Variants in GABBR2 observed in about 807,000 individuals in gnomAD.
GABBR2 encodes gamma-aminobutyric acid type B receptor subunit 2.
GABBR2 carries 23 observed loss-of-function variants against 105.6 expected under a neutral mutation model. The observed-to-expected ratio is 0.22, with a 90% confidence interval of 0.16 to 0.31. The LOEUF is 0.31. Among genes scored for constraint, GABBR2 ranks in the 10% least tolerant of loss-of-function variants. The pLI, the probability that GABBR2 is intolerant of heterozygous loss-of-function variation, is 1.00. For missense variants in GABBR2, 734 were observed against 1,245.5 expected (o/e 0.59, Z 6.18); for synonymous variants, 478 against 499.7 (o/e 0.96, Z 0.58).
At chr9:98,551,727 G>C (rs1309498963) in intron 2 of GABBR2, among the ~76,000 whole-genome samples, 1 of 152,200 alleles carries the variant, frequency 6.6e-6, no homozygotes, top group Non-Finnish European at 1.5e-5. Flanking sequence ...AGCAGCACCT[G>C]AATGCAGAGA....
intron 3 of GABBR2, among the ~76,000 whole-genome samples, chr9:98,512,360 C>T (rs1827663413): frequency 6.6e-6 from 1 of 151,068 alleles, no homozygotes; most frequent in Admixed American, 6.6e-5. Flanking sequence ...GACAGGGATG[C>T]CCTCTCTCAC....
intron 7 of GABBR2, among the ~76,000 whole-genome samples, chr9:98,426,123 G>C (rs1388636086): frequency 6.6e-6 from 1 of 152,228 alleles, no homozygotes; most frequent in East Asian, 1.9e-4. Context: ...CCCAGGCTAA[G>C]AAGTGTAGAC....
At chr9:98,564,157 C>T (rs1490362454) in intron 2 of GABBR2, among the ~76,000 whole-genome samples, 1 of 152,108 alleles carries the variant, frequency 6.6e-6, no homozygotes, top group Non-Finnish European at 1.5e-5. Flanking sequence ...TCAGGGGACA[C>T]GTACTGCCTG....
At chr9:98,333,419 C>T (rs1219685091) in intron 13 of GABBR2, among the ~76,000 whole-genome samples, 4 of 152,096 alleles carry the variant, frequency 2.6e-5, no homozygotes, top group South Asian at 2.1e-4. Context: ...TCAAGATGTC[C>T]GTTGGGCTGT....
chr9:98,360,600 A>G (rs1831565612), intron 13 of GABBR2, among the ~76,000 whole-genome samples: 1 of 152,176 alleles, frequency 6.6e-6, no homozygotes, highest in South Asian at 2.1e-4. Context: ...CAGTTTGAGA[A>G]CCATAGCCTT....
intron 1 of GABBR2, among the ~76,000 whole-genome samples, chr9:98,685,408 G>C (rs1830607894): frequency 6.6e-6 from 1 of 152,192 alleles, no homozygotes; most frequent in African/African-American, 2.4e-5. Flanking sequence ...TGAGTCAATA[G>C]TCCTTAATAA....
intron 7 of GABBR2, among the ~76,000 whole-genome samples, chr9:98,443,418 A>G (rs1826067416): frequency 6.6e-6 from 1 of 152,202 alleles, no homozygotes; most frequent in Non-Finnish European, 1.5e-5. Context: ...TGATCTTTCA[A>G]ATTTATCTGA....
chr9:98,619,855 G>C (rs1829643456), intron 1 of GABBR2, among the ~76,000 whole-genome samples: 1 of 152,142 alleles, frequency 6.6e-6, no homozygotes, highest in Non-Finnish European at 1.5e-5. Context: ...TCGCAGTGTG[G>C]GGGAGAAAGG....
intron 1 of GABBR2, among the ~76,000 whole-genome samples, chr9:98,582,809 A>G (rs184155828): frequency 1.2e-3 from 189 of 152,180 alleles, no homozygotes; most frequent in African/African-American, 4.3e-3. Flanking sequence ...ACACTATGTA[A>G]GTTTCTGTTC....
At chr9:98,340,432 C>CT (rs201062238) in intron 13 of GABBR2, among the ~76,000 whole-genome samples, 17,161 of 147,438 alleles carry the variant, frequency 0.12, 1,798 homozygotes, top group African/African-American at 0.28. Context: ...CTCTCTCTCT[C>CT]TTTTTTTTTT....
intron 6 of GABBR2, among the ~76,000 whole-genome samples, chr9:98,465,945 A>G (rs1315626243): frequency 6.6e-6 from 1 of 152,202 alleles, no homozygotes; most frequent in African/African-American, 2.4e-5. Flanking sequence ...TGACTGGATC[A>G]TGGGGCAGGT....
intron 13 of GABBR2, among the ~76,000 whole-genome samples, chr9:98,335,900 C>A (rs796786012): frequency 2.0e-4 from 30 of 152,320 alleles, no homozygotes; most frequent in African/African-American, 6.7e-4. Flanking sequence ...ATTCAACCAA[C>A]ATATATTGAG....
chr9:98,361,644 T>C (rs926619501), intron 13 of GABBR2, among the ~76,000 whole-genome samples: 1 of 152,192 alleles, frequency 6.6e-6, no homozygotes, highest in Non-Finnish European at 1.5e-5. Context: ...GTGGACTCAG[T>C]TCCTGCCCCC....
intron 2 of GABBR2, among the ~76,000 whole-genome samples, chr9:98,545,581 T>C (rs1184142216): frequency 6.6e-6 from 1 of 152,228 alleles, no homozygotes; most frequent in South Asian, 2.1e-4. Context: ...TCAGAATCTC[T>C]GGGCATCTAG....
intron 6 of GABBR2, 52 bp downstream of exon 6, chr9:98,473,094 G>A: frequency 2.2e-6 from 3 of 1,349,636 alleles, no homozygotes; most frequent in Non-Finnish European, 3.2e-6. Context: ...CATCAGACAA[G>A]ATGATCAAAG....
chr9:98,577,230 C>CGAATGG (rs1554718819), intron 2 of GABBR2, among the ~76,000 whole-genome samples: 14 of 2,110 alleles, frequency 6.6e-3, no homozygotes, highest in East Asian at 0.019. Flanking sequence ...ATGGATGGAG[C>CGAATGG]AAAAAAGTAA....
intron 13 of GABBR2, among the ~76,000 whole-genome samples, chr9:98,328,416 T>C (rs943311750): frequency 6.6e-6 from 1 of 152,188 alleles, no homozygotes; most frequent in Non-Finnish European, 1.5e-5. Flanking sequence ...TTGAAAGCCA[T>C]GTGTTTACCG....
chr9:98,439,253 A>G (rs1825988506), intron 7 of GABBR2, among the ~76,000 whole-genome samples: 1 of 152,204 alleles, frequency 6.6e-6, no homozygotes, highest in Non-Finnish European at 1.5e-5. Flanking sequence ...CTGTTGCTCT[A>G]TTGGAAAAGC....
chr9:98,499,217 G>T (rs1438197458), intron 3 of GABBR2, among the ~76,000 whole-genome samples: 1 of 152,234 alleles, frequency 6.6e-6, no homozygotes, highest in Non-Finnish European at 1.5e-5. Flanking sequence ...ATCCACATGT[G>T]TGTATTAATG....
Sources: gnomAD v4.1 joint callset for allele counts (sites outside exome capture counted in the v4.1 genomes callset) on GRCh38, gnomAD v4.1.1 for gene constraint, MANE v1.5 for transcripts, NCBI Gene and HGNC (gene_info 2026-07-23, HGNC 2026-07-21) for gene names.